The following IRS2 variants were observed in gnomAD, a reference collection of about 807,000 sequenced individuals.
IRS2 encodes insulin receptor substrate 2.
A neutral mutation model predicts 70.9 loss-of-function variants in IRS2; 28 were observed. That is an observed-to-expected ratio of 0.39 (90% CI 0.29 to 0.54). The LOEUF is 0.54. Ranked by LOEUF, IRS2 falls within the 20% of genes least tolerant of loss-of-function variation. The pLI is 0.59. For missense variants in IRS2, 2,081 were observed against 2,024.1 expected (o/e 1.03, Z -0.54); for synonymous variants, 1,217 against 981.9 (o/e 1.24, Z -4.48).
chr13:109,768,666 C>T (rs1016803822), intron 1 of IRS2, among the ~76,000 whole-genome samples: 5 of 152,158 alleles, frequency 3.3e-5, no homozygotes, highest in East Asian at 3.9e-4. Flanking sequence ...AGGCAGAGTT[C>T]GAAATAAGCG....
chr13:109,759,295 A>G (rs754205), intron 1 of IRS2, among the ~76,000 whole-genome samples: 1 of 151,964 alleles, frequency 6.6e-6, no homozygotes, highest in Admixed American at 6.5e-5. Context: ...CCTCTCACAG[A>G]CCTGCTTGCT....
At chr13:109,763,332 C>A (rs1036094263) in intron 1 of IRS2, among the ~76,000 whole-genome samples, 1 of 152,234 alleles carries the variant, frequency 6.6e-6, no homozygotes, top group Non-Finnish European at 1.5e-5. Context: ...ACCACACTAT[C>A]CTGTTACAGA....
At chr13:109,768,280 C>T (rs1033723018) in intron 1 of IRS2, among the ~76,000 whole-genome samples, 2 of 152,170 alleles carry the variant, frequency 1.3e-5, no homozygotes, top group Admixed American at 1.3e-4. Flanking sequence ...GAAGATAGAC[C>T]TAAATGCTCA....
At chr13:109,773,020 A>C (rs541828356) in intron 1 of IRS2, among the ~76,000 whole-genome samples, 2 of 152,300 alleles carry the variant, frequency 1.3e-5, no homozygotes, top group South Asian at 2.1e-4. Flanking sequence ...TAAAGTGTGA[A>C]TATCTTAAGA....
In IRS2 at chr13:109,770,107, G is replaced by A. The variant is rs35167068; in HGVS notation, c.4012+11935C>T. Among the ~76,000 whole-genome samples the A allele has an allele frequency of 1.4e-3, 211 of 152,298 alleles. 2 individuals are homozygous for A. The highest frequency in any genetic ancestry group is 3.4e-3 in the Middle Eastern group (1 of 294). On this transcript the variant is annotated intron_variant, in intron 1 of 1. Transcript: ENST00000375856. ...CAACCCAATGGGACTTCCTTCTTTCGCCTACACTGGCCACCACCATGGAGG... is the reference window on the plus strand; with the variant it reads ...CAACCCAATGGGACTTCCTTCTTTCACCTACACTGGCCACCACCATGGAGG...
intron 1 of IRS2, among the ~76,000 whole-genome samples, chr13:109,768,074 A>T (rs1877375732): frequency 6.6e-6 from 1 of 152,180 alleles, no homozygotes; most frequent in African/African-American, 2.4e-5. Flanking sequence ...ATTTTGTAAT[A>T]TTCAATATAT....
chr13:109,778,160 T>TC (rs1167426134), intron 1 of IRS2, among the ~76,000 whole-genome samples: 1 of 152,222 alleles, frequency 6.6e-6, no homozygotes, highest in Non-Finnish European at 1.5e-5. Flanking sequence ...TCATTTACCT[T>TC]CCAGCGGCCT....
chr13:109,760,767 G>A (rs533721974), intron 1 of IRS2, among the ~76,000 whole-genome samples: 20 of 152,278 alleles, frequency 1.3e-4, no homozygotes, highest in Admixed American at 7.2e-4. Context: ...TGACTCCCCC[G>A]AAAGAGAGAA....
rs1292526427 is a variant in IRS2, at chr13:109,782,768, C to A, written c.3286G>T (p.Ala1096Ser). 1.2e-6 allele frequency: 2 copies of A among 1,603,072 alleles called. No individual in the cohort carries two copies. Among genetic ancestry groups the A allele is most frequent in the Admixed American group, 3.4e-5 (2 of 59,168 alleles). ...PIAAPPKPEA[A>S]RVASPTSGVK... ...CCCGACGTCGGGCTGGCCACGCGGG[C>A]AGCTTCTGGCTTCGGGGGGGCCGCG... The change falls in exon 1 of 2, where the codon GCC (alanine) becomes TCC (serine). Residue 1096 changes from alanine (A) to serine (S), a missense_variant. Ala to Ser is a moderately conservative substitution (Grantham distance 99). Coordinates refer to ENST00000375856, the MANE Select transcript of IRS2 (RefSeq NM_003749.3).
rs1199629587 is a variant in IRS2, at chr13:109,782,935, TC to T, written c.3118del (p.Glu1040SerfsTer66). ...QPPPPPPAPGELYRLPPASAV... is the reference protein window; with the variant it reads ...QPPPPPPAPGXLYRLPPASAV... ...CGAGGCGGGGGGCAGGCGGTACAGC[TC>T]CCCCGGGGCCGGCGGCGGTGGCGGC... On this transcript the variant is annotated frameshift_variant, in exon 1 of 2. Transcript: ENST00000375856. LOFTEE classifies it high-confidence loss of function. 2 of 1,486,828 alleles carry T rather than the reference TC, an allele frequency of 1.3e-6. No homozygotes were observed. Among genetic ancestry groups the T allele is most frequent in the Admixed American group, 2.5e-5 (1 of 40,406 alleles). The allele number at this position is 1,486,828 out of a possible 1,614,324, so 92.1% of individuals were successfully genotyped here. A position where few individuals can be genotyped will look rare whatever the true frequency, so the allele number is the denominator to read the frequency against.
chr13:109,753,346 T>G lies in IRS2; in HGVS notation c.*2958A>C, dbSNP rs1355577860. ...CATTCTTGATGTACACGTTGGTGTATCTTCTGTGTGCACATCAGGAAGGGA... is the reference window on the plus strand; with the variant it reads ...CATTCTTGATGTACACGTTGGTGTAGCTTCTGTGTGCACATCAGGAAGGGA... On this transcript the variant is annotated 3_prime_UTR_variant, in exon 2 of 2. Transcript: ENST00000375856. 2 of 152,334 alleles carry G rather than the reference T, an allele frequency of 1.3e-5. No individual in the cohort carries two copies. The highest frequency in any genetic ancestry group is 4.8e-5 in the African/African-American group (2 of 41,440). 9.4% of individuals were successfully genotyped at this position (152,334 alleles called of 1,614,324 possible). A position where few individuals can be genotyped will look rare whatever the true frequency, so the allele number is the denominator to read the frequency against.
intron 1 of IRS2, among the ~76,000 whole-genome samples, chr13:109,769,551 C>T (rs1241829600): frequency 2.6e-5 from 4 of 152,198 alleles, no homozygotes; most frequent in Non-Finnish European, 4.4e-5. Flanking sequence ...GACCGGCTTC[C>T]CCTGACCTTC....
chr13:109,783,902 T>C lies in IRS2; in HGVS notation c.2152A>G (p.Arg718Gly), dbSNP rs1309640070. 5 of 1,545,898 alleles carry C rather than the reference T, an allele frequency of 3.2e-6. No individual in the cohort carries two copies. The highest frequency in any genetic ancestry group is 2.4e-5 in the East Asian group (1 of 40,886). ...AGPAPTSAAG[R>G]TFPASGGGYK... is the part of the protein sequence containing the mutation. ...CCGCCCCCGCTCGCCGGGAATGTCC[T>C]GCCCGCCGCAGAGGTGGGTGCTGGC... Residue 718 changes from arginine (R) to glycine (G), a missense_variant, in exon 1 of 2, where the codon AGG (arginine) becomes GGG (glycine). Physicochemically the swap from Arg to Gly is moderately radical, Grantham distance 125. Transcript: ENST00000375856.
At chr13:109,763,755 A>G (rs1330437373) in intron 1 of IRS2, among the ~76,000 whole-genome samples, 1 of 152,220 alleles carries the variant, frequency 6.6e-6, no homozygotes, top group East Asian at 1.9e-4. Context: ...TTTTATGTAC[A>G]CCATAACAAT....
intron 1 of IRS2, among the ~76,000 whole-genome samples, chr13:109,777,504 T>C (rs746070135): frequency 6.6e-6 from 1 of 152,156 alleles, no homozygotes; most frequent in African/African-American, 2.4e-5. Context: ...TTTTGGGTGG[T>C]AGAAAAACAA....
At chr13:109,775,835 T>A (rs1438772857) in intron 1 of IRS2, among the ~76,000 whole-genome samples, 1 of 150,686 alleles carries the variant, frequency 6.6e-6, no homozygotes, top group Non-Finnish European at 1.5e-5. Flanking sequence ...AACCTGATAC[T>A]CTTTAAAATG....
Position 109,755,267 on chromosome 13 carries a change from A to G in IRS2, c.*1037T>C. On this transcript the variant is annotated 3_prime_UTR_variant, in exon 2 of 2. Coordinates refer to ENST00000375856, the MANE Select transcript of IRS2 (RefSeq NM_003749.3). ...GTTCAGGGCAGCCTCACTGGTTGAC[A>G]TAATAACATTTTATTAAAGATAATA... The G allele has an allele frequency of 4.6e-6, 1 of 219,192 alleles. No homozygotes were observed. The highest frequency in any genetic ancestry group is 6.3e-5 in the East Asian group (1 of 15,818). The allele number at this position is 219,192 out of a possible 1,614,324, so 13.6% of individuals were successfully genotyped here. A position where few individuals can be genotyped will look rare whatever the true frequency, so the allele number is the denominator to read the frequency against.
chr13:109,779,051 A>G (rs1287634333), intron 1 of IRS2, among the ~76,000 whole-genome samples: 2 of 152,296 alleles, frequency 1.3e-5, no homozygotes, highest in African/African-American at 4.8e-5. Flanking sequence ...CTCAAATAAG[A>G]TGCATAATTT....
chr13:109,784,984 C>G lies in IRS2; in HGVS notation c.1070G>C (p.Ser357Thr), dbSNP rs1319425116. ...LAATPPAAKC[S>T]SCRVRTASEG... ...GCTGGCGGTGCGCACCCGGCACGAG[C>G]TGCACTTGGCCGCCGGCGGGGTGGC... The change falls in exon 1 of 2, where the codon AGC becomes ACC. Residue 357 changes from serine to threonine, a missense_variant. Around this residue, in one of 4 missense-constraint regions of IRS2, gnomAD observed 111 missense variants for 133.1 expected, o/e 0.83. Coordinates refer to ENST00000375856, the MANE Select transcript of IRS2 (RefSeq NM_003749.3). This position sits in a 1 kb window ranked among gnomAD's most constrained non-coding sequence, Gnocchi z 5.2. 5.1e-6 allele frequency: 7 copies of G among 1,372,684 alleles called. No homozygotes were observed. In the Admixed American group the frequency reaches 2.1e-4, roughly 41 times the overall value. The allele number at this position is 1,372,684 out of a possible 1,614,324, so 85.0% of individuals were successfully genotyped here.
Sources: allele counts gnomAD v4.1 joint callset (sites outside exome capture counted in the v4.1 genomes callset), GRCh38; gene constraint gnomAD v4.1.1; regional missense constraint gnomAD v4.1.1; non-coding constraint Gnocchi (gnomAD v3.1); transcripts MANE v1.5; gene names NCBI Gene and HGNC (gene_info 2026-07-23, HGNC 2026-07-21).